Variants in ACD observed in about 807,000 individuals in gnomAD.
ACD encodes ACD shelterin complex subunit and telomerase recruitment factor, also known as adrenocortical dysplasia protein homolog.
In ACD, 39 loss-of-function variants were observed where a neutral mutation model predicts 53.9. The observed-to-expected ratio is 0.72, with a 90% CI of 0.56 to 0.95. The LOEUF (loss-of-function observed/expected upper bound fraction) is 0.95. Among genes scored for constraint, ACD ranks in the 40% least tolerant of loss-of-function variants. The pLI is 0.00. For missense variants in ACD, 526 were observed against 587.9 expected, an observed-to-expected ratio of 0.89 and a Z score of 1.09; for synonymous variants, 273 against 249.2, an observed-to-expected ratio of 1.10 and a Z score of -0.90.
intron 2 of ACD, 33 bp downstream of exon 2, chr16:67,659,870 C>T (rs1419069474): frequency 2.5e-6 from 4 of 1,580,092 alleles, no homozygotes; most frequent in Non-Finnish European, 3.4e-6. Flanking sequence ...TCCTGCCGGA[C>T]TCCGACCTCC....
At position 67,659,731 on chromosome 16, in the gene ACD, C is replaced by T; in HGVS notation, c.307G>A (p.Val103Ile). 6.2e-7 allele frequency: 1 copy of T among 1,613,392 alleles called. No homozygotes were observed. Among genetic ancestry groups the T allele is most frequent in the Non-Finnish European group, 8.5e-7 (1 of 1,179,962 alleles). The change falls in exon 3 of 12, where the codon GTT becomes ATT. Residue 103 changes from valine to isoleucine, a missense_variant. Transcript: ENST00000620761. ...GRLLLLQDCG[V>I]HVQVAEGGAP... The stretch of plus-strand genomic sequence containing the variant: ...CCGCCCTCAGCGACCTGGACATGAA[C>T]CCCGCAGTCCTGCAGCAGCAGCAGC...
Position 67,657,829 on chromosome 16 carries a change from C to A in ACD, c.1231G>T (p.Gly411Cys). 1 of 1,614,118 alleles carries A rather than the reference C, an allele frequency of 6.2e-7. No homozygotes were observed. Among genetic ancestry groups the A allele is most frequent in the South Asian group, 1.1e-5 (1 of 91,082 alleles). ...VWEPPKRHRD[G>C]SAFQYEYEPP... ...TCATACTCATACTGGAAGGCAGAACCATCACGATGCCTCTTTGGGGGTTCC... is the reference window on the plus strand; with the variant it reads ...TCATACTCATACTGGAAGGCAGAACAATCACGATGCCTCTTTGGGGGTTCC... Residue 411 changes from glycine to cysteine, a missense_variant, in exon 11 of 12, where the codon GGT becomes TGT. By Grantham distance (159) the Gly-to-Cys change is radical. Coordinates refer to ENST00000620761, the MANE Select transcript of ACD (RefSeq NM_001082486.2). This position sits in a 1 kb window ranked among gnomAD's most constrained non-coding sequence, Gnocchi z 4.5.
chr16:67,659,452 C>T (rs2052953706), intron 4 of ACD, 33 bp from the exon 5 acceptor site: 1 of 1,613,888 alleles, frequency 6.2e-7, no homozygotes, highest in African/African-American at 1.3e-5. Flanking sequence ...TAATGGGGGC[C>T]CAAGCCCTCC....
At chr16:67,659,851 C>A (rs1271176987) in intron 2 of ACD, 52 bp downstream of exon 2, 62 of 1,580,894 alleles carry the variant, frequency 3.9e-5, no homozygotes, top group Non-Finnish European at 5.3e-5. Context: ...GCCCGCCCAC[C>A]TCGCGCTCTC....
Position 67,660,250 on chromosome 16 carries a change from G to C in ACD, c.-30C>G, listed in dbSNP as rs2052979977. On this transcript the variant is annotated 5_prime_UTR_variant, in exon 1 of 12. Coordinates refer to ENST00000620761, the MANE Select transcript of ACD (RefSeq NM_001082486.2). ...ACGGCTACACCCAGCGGATGCAACG[G>C]GCCCGGGTTTCCCGCGGGCGCCCAG... is the stretch of plus-strand genomic sequence containing the variant. 1.2e-6 allele frequency: 2 copies of C among 1,612,522 alleles called. No individual in the cohort carries two copies.
rs1371664320 is a variant in ACD, at chr16:67,657,531, C to T, written c.*75G>A. 6.2e-7 allele frequency: 1 copy of T among 1,613,590 alleles called. No homozygotes were observed. ...CCCCAATCCCTGATCCTCTCCTCTC[C>T]TGCCGCATGAGATTATTTTATTAAA... On this transcript the variant is annotated 3_prime_UTR_variant, in exon 12 of 12. Transcript: ENST00000620761. This position sits in a 1 kb window ranked among gnomAD's most constrained non-coding sequence, Gnocchi z 4.5.
chr16:67,657,707 G>A lies in ACD; in HGVS notation c.1299-23C>T. On this transcript the variant is annotated intron_variant, in intron 11 of 11. Transcript: ENST00000620761. The surrounding 1 kb of genome is among the most constrained non-coding windows in gnomAD (Gnocchi z 4.5). ...AGCCTGGAAAGAAACCACCGCTGCA[G>A]GTCAATGGAGCCTGGGACTAGTGAC... 1 of 1,614,076 alleles carries A rather than the reference G, an allele frequency of 6.2e-7. No individual in the cohort carries two copies. The highest frequency in any genetic ancestry group is 1.6e-4 in the Middle Eastern group (1 of 6,062).
At chr16:67,659,175 GC>G in intron 6 of ACD, 53 bp downstream of exon 6, 1 of 1,613,186 alleles carries the variant, frequency 6.2e-7, no homozygotes. Context: ...TAAGGTTAAG[GC>G]TGGAGAGATC....
chr16:67,660,036 C>T lies in ACD; in HGVS notation c.109G>A (p.Asp37Asn), dbSNP rs142662151. The change falls in exon 2 of 12, where the codon GAC (aspartate) becomes AAC (asparagine). Residue 37 changes from aspartate (D) to asparagine (N), a missense_variant. By Grantham distance (23) the Asp-to-Asn change is conservative. Transcript: ENST00000620761. The stretch of plus-strand genomic sequence containing the variant: ...GGGCCCGCGACCGCGGCCTCGGCGT[C>T]CTGTAGTACCTGACGGCGGCGAGCG... ...RAGQLLEVLQ[D>N]AEAAVAGPSH... The T allele has an allele frequency of 5.2e-4, 837 of 1,606,830 alleles. 1 individual carries two copies. Among genetic ancestry groups the T allele is most frequent in the Non-Finnish European group, 6.5e-4 (767 of 1,177,198 alleles).
Position 67,659,559 on chromosome 16 carries a change from G to A in ACD, c.391C>T (p.Pro131Ser), listed in dbSNP as rs754452675. 5 of 1,613,422 alleles carry A rather than the reference G, an allele frequency of 3.1e-6. No individual in the cohort carries two copies. The highest frequency in any genetic ancestry group is 4.2e-6 in the Non-Finnish European group (5 of 1,179,778). ...DRFSLLPTEQ[P>S]RLRVPGCNQD... ...TACCAACCAGGCACCCGTAGCCGGG[G>A]CTGCTCCGTGGGCAGCAGGCTGAAG... is the stretch of plus-strand genomic sequence containing the variant. Residue 131 changes from proline to serine, a missense_variant, in exon 4 of 12, where the codon CCC becomes TCC. Coordinates refer to ENST00000620761, the MANE Select transcript of ACD (RefSeq NM_001082486.2).
intron 6 of ACD, 53 bp downstream of exon 6, chr16:67,659,176 C>T (rs1455747989): frequency 6.2e-7 from 1 of 1,613,104 alleles, no homozygotes; most frequent in African/African-American, 1.3e-5. Context: ...AAGGTTAAGG[C>T]TGGAGAGATC....
chr16:67,660,067 A>T (rs1456786730), intron 1 of ACD, 22 bp from the exon 2 acceptor site: 1 of 1,609,528 alleles, frequency 6.2e-7, no homozygotes, highest in African/African-American at 1.3e-5. Flanking sequence ...GAGCGGCGTC[A>T]ATCCCACCAC....
Position 67,658,319 on chromosome 16 carries a change from A to ATAC in ACD, c.872_873insGTA (p.Gly291_Thr292insTyr). On this transcript the variant is annotated inframe_insertion, in exon 10 of 12. Transcript: ENST00000620761. ...GGGCAGGCAGAAGGCTGATGCTGGTACCACTTTCCTCGGATGACATGTGGC... is the reference window on the plus strand; with the variant it reads ...GGGCAGGCAGAAGGCTGATGCTGGTATACCCACTTTCCTCGGATGACATGTGGC... The ATAC allele has an allele frequency of 6.2e-7, 1 of 1,613,822 alleles. No homozygotes were observed. Among genetic ancestry groups the ATAC allele is most frequent in the Non-Finnish European group, 8.5e-7 (1 of 1,179,996 alleles).
At chr16:67,658,392 A>G (rs761313237) in intron 9 of ACD, 30 bp from the exon 10 acceptor site, 4 of 1,612,976 alleles carry the variant, frequency 2.5e-6, no homozygotes, top group Non-Finnish European at 3.4e-6. Flanking sequence ...TTGTAGGCAC[A>G]GCCCTCTCCG....
chr16:67,659,728 G>A lies in ACD; in HGVS notation c.310C>T (p.His104Tyr), dbSNP rs1399147531. Residue 104 changes from histidine to tyrosine, a missense_variant, in exon 3 of 12, where the codon CAT (histidine) becomes TAT (tyrosine). His to Tyr is a moderately conservative substitution (Grantham distance 83). Coordinates refer to ENST00000620761, the MANE Select transcript of ACD (RefSeq NM_001082486.2). ...RLLLLQDCGV[H>Y]VQVAEGGAPA... ...GCGCCGCCCTCAGCGACCTGGACAT[G>A]AACCCCGCAGTCCTGCAGCAGCAGC... 6.2e-7 allele frequency: 1 copy of A among 1,613,380 alleles called. No individual in the cohort carries two copies. Among genetic ancestry groups the A allele is most frequent in the South Asian group, 1.1e-5 (1 of 91,074 alleles).
In ACD at chr16:67,660,056, C is replaced by A; in HGVS notation, c.100-11G>T. The A allele has an allele frequency of 6.2e-7, 1 of 1,607,726 alleles. No individual in the cohort carries two copies. Reference sequence around the variant, plus strand: ...GGCGTCCTGTAGTACCTGACGGCGGCGAGCGGCGTCAATCCCACCACCCCG... The same window carrying A: ...GGCGTCCTGTAGTACCTGACGGCGGAGAGCGGCGTCAATCCCACCACCCCG... On this transcript the variant is annotated splice_polypyrimidine_tract_variant and intron_variant, in intron 1 of 11. Transcript: ENST00000620761.
At position 67,660,250 on chromosome 16, in the gene ACD, G is replaced by A; in HGVS notation, c.-30C>T. On this transcript the variant is annotated 5_prime_UTR_variant, in exon 1 of 12. Coordinates refer to ENST00000620761, the MANE Select transcript of ACD (RefSeq NM_001082486.2). ...ACGGCTACACCCAGCGGATGCAACG[G>A]GCCCGGGTTTCCCGCGGGCGCCCAG... is the stretch of plus-strand genomic sequence containing the variant. 1 of 1,612,522 alleles carries A rather than the reference G, an allele frequency of 6.2e-7. No individual in the cohort carries two copies. Among genetic ancestry groups the A allele is most frequent in the South Asian group, 1.1e-5 (1 of 91,084 alleles).
In ACD at chr16:67,660,251, G is replaced by A. The variant is rs775903443; in HGVS notation, c.-31C>T. On this transcript the variant is annotated 5_prime_UTR_variant, in exon 1 of 12. Coordinates refer to ENST00000620761, the MANE Select transcript of ACD (RefSeq NM_001082486.2). ...CGGCTACACCCAGCGGATGCAACGG[G>A]CCCGGGTTTCCCGCGGGCGCCCAGG... 5 of 1,612,492 alleles carry A rather than the reference G, an allele frequency of 3.1e-6. No homozygotes were observed. The highest frequency in any genetic ancestry group is 2.7e-5 in the African/African-American group (2 of 75,054).
rs1455891924 is a variant in ACD at position 67,657,948 on chromosome 16, C to T, written c.1206+38G>A. The T allele has an allele frequency of 6.3e-7, 1 of 1,598,386 alleles. No homozygotes were observed. ...CCTCCCAGCTCTACCTCAGGCCTTC[C>T]TTGTTCTACCCTCCAGCTGCAGAGG... On this transcript the variant is annotated intron_variant, in intron 10 of 11. Coordinates refer to ENST00000620761, the MANE Select transcript of ACD (RefSeq NM_001082486.2). This position sits in a 1 kb window ranked among gnomAD's most constrained non-coding sequence, Gnocchi z 4.5.
Sources: gnomAD v4.1 joint callset for allele counts on GRCh38, gnomAD v4.1.1 for gene constraint, Gnocchi (gnomAD v3.1) non-coding constraint, MANE v1.5 for transcripts, NCBI Gene and HGNC (gene_info 2026-07-23, HGNC 2026-07-21) for gene names.